The following SCN7A variants were observed in gnomAD, a reference collection of about 807,000 sequenced individuals.
SCN7A encodes the protein sodium voltage-gated channel alpha subunit 7.
SCN7A carries 138 observed loss-of-function variants against 155.2 expected under a neutral mutation model. The observed-to-expected ratio is 0.89, with a 90% confidence interval of 0.77 to 1.02. The LOEUF is 1.02. Among genes scored for constraint, SCN7A ranks in the 50% least tolerant of loss-of-function variants. The probability of loss-of-function intolerance (pLI) is 0.00; values close to 1 mark genes in which losing one functional copy is unlikely to be tolerated. For synonymous variants in SCN7A, 693 were observed against 649.0 expected (o/e 1.07, Z -1.03); for missense variants, 2,058 against 1,986.6 (o/e 1.04, Z -0.68).
chr2:166,435,379 A>T (rs534970090), intron 15 of SCN7A, among the ~76,000 whole-genome samples: 24 of 152,086 alleles, frequency 1.6e-4, no homozygotes, highest in Admixed American at 1.5e-3. Flanking sequence ...CTAGTCACAG[A>T]ATCTGTAACC....
intron 18 of SCN7A, among the ~76,000 whole-genome samples, chr2:166,427,299 A>G (rs917914014): frequency 7.2e-5 from 11 of 152,092 alleles, no homozygotes; most frequent in Admixed American, 3.9e-4. Context: ...TTTGTAGAAT[A>G]TTTTTAGAAT....
chr2:166,406,287 A>G lies in SCN7A; in HGVS notation c.4342T>C (p.Trp1448Arg). Residue 1448 changes from tryptophan to arginine, a missense_variant, in exon 26 of 26, where the codon TGG becomes CGG. Coordinates refer to ENST00000643258, the MANE Select transcript of SCN7A (RefSeq NM_002976.4). The part of the protein sequence containing the change: ...GMLDAIFNSK[W>R]SDCDPDKINP... ...ATTTTATCAGGATCACAGTCAGACCATTTACTGTTGAAAATTGCATCAAGC... is the reference window on the plus strand; with the variant it reads ...ATTTTATCAGGATCACAGTCAGACCGTTTACTGTTGAAAATTGCATCAAGC... 6.2e-7 allele frequency: 1 copy of G among 1,613,202 alleles called. No homozygotes were observed. The highest frequency in any genetic ancestry group is 8.5e-7 in the Non-Finnish European group (1 of 1,179,454).
intron 10 of SCN7A, among the ~76,000 whole-genome samples, chr2:166,458,255 G>A (rs927119583): frequency 6.6e-6 from 1 of 151,752 alleles, no homozygotes; most frequent in East Asian, 1.9e-4. Context: ...CTGAGCCCAG[G>A]GTGGCTGAGG....
chr2:166,441,639 G>C lies in SCN7A; in HGVS notation c.1914C>G (p.Ile638Met). ...KDLVLLLFTF[I>M]FFSAAFGMKL... Reference sequence around the variant, plus strand: ...TCATGCCGAATGCAGCAGAAAAGAAGATGAATGTGAACAACAACAGGACCA... The same window carrying C: ...TCATGCCGAATGCAGCAGAAAAGAACATGAATGTGAACAACAACAGGACCA... Residue 638 changes from isoleucine to methionine, a missense_variant, in exon 15 of 26, where the codon ATC becomes ATG. Coordinates refer to ENST00000643258, the MANE Select transcript of SCN7A (RefSeq NM_002976.4). 1 of 1,613,868 alleles carries C rather than the reference G, an allele frequency of 6.2e-7. No individual in the cohort carries two copies. The highest frequency in any genetic ancestry group is 1.1e-5 in the South Asian group (1 of 91,080).
intron 9 of SCN7A, among the ~76,000 whole-genome samples, chr2:166,465,206 A>G (rs867520042): frequency 6.6e-6 from 1 of 152,146 alleles, no homozygotes; most frequent in Non-Finnish European, 1.5e-5. Flanking sequence ...CCAGACACCA[A>G]ACTGGCCCAG....
intron 9 of SCN7A, 105 bp downstream of exon 9, chr2:166,465,357 G>C: frequency 1.2e-6 from 1 of 806,380 alleles, no homozygotes; most frequent in Non-Finnish European, 2.0e-6. Context: ...ATGATGAAAT[G>C]AGATAATACA....
chr2:166,405,508 T>C lies in SCN7A; in HGVS notation c.*72A>G, dbSNP rs1011718156. 8.7e-7 allele frequency: 1 copy of C among 1,153,576 alleles called. No individual in the cohort carries two copies. Among genetic ancestry groups the C allele is most frequent in the African/African-American group, 1.6e-5 (1 of 64,412 alleles). 71.5% of individuals were successfully genotyped at this position (1,153,576 alleles called of 1,614,324 possible). ...GAACTGATTATTATCTCTACTTTTC[T>C]TTTATTCCTGGCTTAGGCTTTCAAC... On this transcript the variant is annotated 3_prime_UTR_variant, in exon 26 of 26. Coordinates refer to ENST00000643258, the MANE Select transcript of SCN7A (RefSeq NM_002976.4).
In SCN7A at chr2:166,462,370, A is replaced by C; in HGVS notation, c.1083+19T>G. 1.3e-6 allele frequency: 2 copies of C among 1,572,982 alleles called. No homozygotes were observed. The highest frequency in any genetic ancestry group is 1.7e-6 in the Non-Finnish European group (2 of 1,157,876). On this transcript the variant is annotated intron_variant, in intron 10 of 25. Coordinates refer to ENST00000643258, the MANE Select transcript of SCN7A (RefSeq NM_002976.4). ...ATGGTGCCATTCCTAAGTACAGTAC[A>C]ATTTCTCTCTGTTCTTACCTGGTGA...
intron 15 of SCN7A, chr2:166,436,451 G>C (rs770611752): frequency 2.4e-6 from 1 of 408,776 alleles, no homozygotes; most frequent in South Asian, 1.8e-5. Flanking sequence ...CTGTGGAACC[G>C]TGAGTCAGTT....
intron 8 of SCN7A, 123 bp from the exon 9 acceptor site, chr2:166,465,654 A>C (rs556040129): frequency 7.9e-7 from 1 of 1,261,390 alleles, no homozygotes; most frequent in Admixed American, 2.0e-5. Flanking sequence ...AAGAGCAAAT[A>C]TCCTTGCCTT....
At position 166,423,445 on chromosome 2, in the gene SCN7A, A is replaced by T. The variant is rs781370801; in HGVS notation, c.2854-13T>A. 2.6e-6 allele frequency: 4 copies of T among 1,512,500 alleles called. No homozygotes were observed. Among genetic ancestry groups the T allele is most frequent in the Non-Finnish European group, 3.5e-6 (4 of 1,137,634 alleles). The allele number at this position is 1,512,500 out of a possible 1,614,324, so 93.7% of individuals were successfully genotyped here. A position where few individuals can be genotyped will look rare whatever the true frequency, so the allele number is the denominator to read the frequency against. ...TATCTTCAAAAGCCTGTGGGTAAAAATAAAAAAATAAGGATTAGGTGTACA... is the reference window on the plus strand; with the variant it reads ...TATCTTCAAAAGCCTGTGGGTAAAATTAAAAAAATAAGGATTAGGTGTACA... On this transcript the variant is annotated splice_polypyrimidine_tract_variant and intron_variant, in intron 18 of 25. Coordinates refer to ENST00000643258, the MANE Select transcript of SCN7A (RefSeq NM_002976.4).
intron 11 of SCN7A, among the ~76,000 whole-genome samples, chr2:166,452,035 TAACC>T (rs998094390): frequency 2.6e-5 from 4 of 152,152 alleles, no homozygotes; most frequent in African/African-American, 9.6e-5. Flanking sequence ...TCCTTAATAC[TAACC>T]AATACTCAAA....
chr2:166,445,116 G>C lies in SCN7A; in HGVS notation c.1388-116C>G, dbSNP rs1575032827. The stretch of plus-strand genomic sequence containing the variant: ...GAATCACTTAAGTTCAGGAGTTCGA[G>C]ACCAGCCTGGTCAATATAGTGAAAC... On this transcript the variant is annotated intron_variant, in intron 12 of 25. Transcript: ENST00000643258. 6.3e-6 allele frequency: 4 copies of C among 637,574 alleles called. No individual in the cohort carries two copies. The East Asian group carries it at 1.1e-4, about 17-fold the overall frequency. 39.5% of individuals were successfully genotyped at this position (637,574 alleles called of 1,614,324 possible). A position where few individuals can be genotyped will look rare whatever the true frequency, so the allele number is the denominator to read the frequency against.
intron 15 of SCN7A, among the ~76,000 whole-genome samples, chr2:166,437,672 G>A (rs573036212): frequency 1.3e-5 from 2 of 152,304 alleles, no homozygotes; most frequent in South Asian, 4.1e-4. Flanking sequence ...CAGGGATGGA[G>A]CTATCCAAGG....
At chr2:166,461,400 T>C (rs1446794702) in intron 10 of SCN7A, among the ~76,000 whole-genome samples, 2 of 152,194 alleles carry the variant, frequency 1.3e-5, no homozygotes, top group East Asian at 3.8e-4. Context: ...CCCATTTTCA[T>C]GAATATCATA....
intron 10 of SCN7A, among the ~76,000 whole-genome samples, chr2:166,458,251 C>G (rs982569681): frequency 1.3e-5 from 2 of 151,624 alleles, no homozygotes; most frequent in East Asian, 3.9e-4. Flanking sequence ...TCACCTGAGC[C>G]CAGGGTGGCT....
intron 22 of SCN7A, 27 bp downstream of exon 22, chr2:166,413,041 A>G (rs771922829): frequency 1.4e-6 from 2 of 1,473,508 alleles, no homozygotes; most frequent in Non-Finnish European, 1.8e-6. Context: ...TATCCTAACA[A>G]TGGCTTTAAA....
Position 166,488,568 on chromosome 2 carries a change from C to A in SCN7A, c.-127-1600G>T, listed in dbSNP as rs147118603. Among the ~76,000 whole-genome samples the A allele has an allele frequency of 3.9e-5, 6 of 152,010 alleles. No homozygotes were observed. In the East Asian group the frequency reaches 1.2e-3, roughly 29 times the overall value. ...GGGATATGGAGGCAAAGGCTACCCACACACAGTGCAGGTGAGAATATAACT... is the reference window on the plus strand; with the variant it reads ...GGGATATGGAGGCAAAGGCTACCCAAACACAGTGCAGGTGAGAATATAACT... On this transcript the variant is annotated intron_variant, in intron 1 of 25. Coordinates refer to ENST00000643258, the MANE Select transcript of SCN7A (RefSeq NM_002976.4).
intron 20 of SCN7A, among the ~76,000 whole-genome samples, chr2:166,417,960 C>T (rs1283795216): frequency 1.3e-5 from 2 of 151,600 alleles, no homozygotes; most frequent in African/African-American, 2.4e-5. Flanking sequence ...TCATTATTTC[C>T]TCAACTGACT....
Sources: allele counts gnomAD v4.1 joint callset (sites outside exome capture counted in the v4.1 genomes callset), GRCh38; gene constraint gnomAD v4.1.1; transcripts MANE v1.5; gene names NCBI Gene and HGNC (gene_info 2026-07-23, HGNC 2026-07-21).